DPH6: variants seen among roughly 807,000 people sequenced by gnomAD.
DPH6 encodes diphthamine biosynthesis 6, also known as diphthine--ammonia ligase.
In DPH6, 33 loss-of-function variants were observed where a neutral mutation model predicts 38.2. The observed-to-expected ratio is 0.86, with a 90% CI of 0.65 to 1.15. DPH6 has a LOEUF of 1.15. DPH6 is among the 50% of genes most tolerant of loss of function. The pLI is 0.00. For missense variants in DPH6, 325 were observed against 320.0 expected, an observed-to-expected ratio of 1.02 and a Z score of -0.12; for synonymous variants, 108 against 103.0, an observed-to-expected ratio of 1.05 and a Z score of -0.30.
intron 6 of DPH6, among the ~76,000 whole-genome samples, chr15:35,407,225 T>G (rs911331848): frequency 6.6e-6 from 1 of 150,838 alleles, no homozygotes; most frequent in African/African-American, 2.5e-5. Context: ...GAGCGGAAAT[T>G]TGTGGGGATG....
At chr15:35,300,644 A>C (rs1195150965) in intron 3 of DPH6, among the ~76,000 whole-genome samples, 1 of 152,208 alleles carries the variant, frequency 6.6e-6, no homozygotes, top group Non-Finnish European at 1.5e-5. Context: ...AATTAAGTCA[A>C]GTTAATAAAC....
intron 3 of DPH6, among the ~76,000 whole-genome samples, chr15:35,339,890 T>G (rs77525096): frequency 1.2e-4 from 19 of 152,292 alleles, no homozygotes; most frequent in Non-Finnish European, 2.6e-4. Context: ...TAGATATCTA[T>G]CAAGTCCACT....
At chr15:35,201,488 A>G in the DPH6 span, among the ~76,000 whole-genome samples, 1 of 151,818 alleles carries the variant, frequency 6.6e-6, no homozygotes, top group Non-Finnish European at 1.5e-5. Flanking sequence ...TTAAAAAGTT[A>G]TTTCACGTTT....
intron 3 of DPH6, among the ~76,000 whole-genome samples, chr15:35,296,898 G>C (rs1441234317): frequency 8.1e-6 from 1 of 123,444 alleles, no homozygotes; most frequent in Admixed American, 8.2e-5. Context: ...TCCGCTTCCC[G>C]GGTTCACGCC....
intron 3 of DPH6, among the ~76,000 whole-genome samples, chr15:35,314,455 C>T (rs2052170813): frequency 6.6e-6 from 1 of 152,250 alleles, no homozygotes; most frequent in African/African-American, 2.4e-5. Context: ...CAAAATCGGT[C>T]ATAAAGCAGC....
At chr15:35,352,875 GA>G (rs2052527482) in intron 3 of DPH6, among the ~76,000 whole-genome samples, 1 of 152,184 alleles carries the variant, frequency 6.6e-6, no homozygotes, top group Non-Finnish European at 1.5e-5. Context: ...CACAATGGTT[GA>G]ACTAGTTTAC....
the DPH6 span, among the ~76,000 whole-genome samples, chr15:35,197,222 C>A: frequency 1.3e-5 from 2 of 152,078 alleles, no homozygotes; most frequent in Admixed American, 6.6e-5. Context: ...AAAATTGGAA[C>A]TAAGTGCTGA....
intron 3 of DPH6, among the ~76,000 whole-genome samples, chr15:35,256,652 C>A (rs2051710170): frequency 6.6e-6 from 1 of 152,154 alleles, no homozygotes; most frequent in African/African-American, 2.4e-5. Flanking sequence ...ATGTCAAGAT[C>A]TGTGTTCACT....
At chr15:35,464,092 G>A (rs977641221) in intron 3 of DPH6, among the ~76,000 whole-genome samples, 4 of 152,016 alleles carry the variant, frequency 2.6e-5, no homozygotes, top group South Asian at 2.1e-4. Flanking sequence ...TCAGGAGTTC[G>A]AGACCATCCT....
intron 3 of DPH6, among the ~76,000 whole-genome samples, chr15:35,528,988 T>C (rs751073157): frequency 1.1e-4 from 17 of 152,168 alleles, no homozygotes; most frequent in Non-Finnish European, 2.5e-4. Context: ...CTTTAAACCC[T>C]AAATCAAATT....
chr15:35,447,111 C>T (rs148326004), intron 5 of DPH6, among the ~76,000 whole-genome samples: 3,787 of 152,088 alleles, frequency 0.025, 154 homozygotes, highest in African/African-American at 0.085. Flanking sequence ...CCTCGTGATC[C>T]GCCCGCCTCG....
chr15:35,397,801 G>C (rs2053157679), intron 6 of DPH6, among the ~76,000 whole-genome samples: 1 of 151,246 alleles, frequency 6.6e-6, no homozygotes, highest in Non-Finnish European at 1.5e-5. Flanking sequence ...GAACTGGCCT[G>C]GGAGAAATGA....
chr15:35,249,454 T>C (rs1256397089), intron 3 of DPH6, among the ~76,000 whole-genome samples: 1 of 152,188 alleles, frequency 6.6e-6, no homozygotes, highest in Non-Finnish European at 1.5e-5. Context: ...ATTACAGATA[T>C]TTAAGGAGAT....
chr15:35,338,251 A>G (rs1483393309), intron 3 of DPH6, among the ~76,000 whole-genome samples: 5 of 152,102 alleles, frequency 3.3e-5, no homozygotes, highest in African/African-American at 1.2e-4. Flanking sequence ...GGCAACCTAC[A>G]AAATGGGAGA....
intron 6 of DPH6, among the ~76,000 whole-genome samples, chr15:35,393,334 A>G (rs2053085147): frequency 6.6e-6 from 1 of 152,202 alleles, no homozygotes; most frequent in African/African-American, 2.4e-5. Context: ...CATAAGGTTC[A>G]TGGTTGAGGA....
chr15:35,224,063 C>G (rs2051461680), intron 3 of DPH6, among the ~76,000 whole-genome samples: 1 of 144,532 alleles, frequency 6.9e-6, no homozygotes, highest in Non-Finnish European at 1.5e-5. Context: ...GCAATATGCA[C>G]TTAAGGCTCA....
intron 3 of DPH6, among the ~76,000 whole-genome samples, chr15:35,318,672 C>T (rs2052213809): frequency 6.6e-6 from 1 of 152,134 alleles, no homozygotes; most frequent in Admixed American, 6.6e-5. Context: ...AATATCTTTG[C>T]TTCATAGCCT....
At chr15:35,461,145 C>T (rs2054062007) in intron 3 of DPH6, among the ~76,000 whole-genome samples, 2 of 152,138 alleles carry the variant, frequency 1.3e-5, no homozygotes, top group Admixed American at 6.5e-5. Flanking sequence ...AATGCAGTGG[C>T]GTGATCTTGG....
rs776034807 is a variant in DPH6 at position 35,241,350 on chromosome 15, C to T, written n.201-20768G>A. 1.9e-4 allele frequency among the ~76,000 whole-genome samples: 27 copies of T among 142,166 alleles called. 2 individuals are homozygous for T. The highest frequency in any genetic ancestry group is 4.8e-4 in the African/African-American group (19 of 39,216). 93.3% of individuals were successfully genotyped at this position (142,166 alleles called of 152,430 possible). A position where few individuals can be genotyped will look rare whatever the true frequency, so the allele number is the denominator to read the frequency against. On this transcript the variant is annotated intron_variant and non_coding_transcript_variant, in intron 3 of 3. Coordinates refer to the DPH6 transcript ENST00000560386. ...AAGTCCGTCCCGTTCTTAATCAATA[C>T]GGAGGCTACCCACTCCACATTACCT...
Sources: allele counts gnomAD v4.1 joint callset (sites outside exome capture counted in the v4.1 genomes callset), GRCh38; gene constraint gnomAD v4.1.1; transcripts MANE v1.5; gene names NCBI Gene and HGNC (gene_info 2026-07-23, HGNC 2026-07-21).